Variants in ANKS1A observed in about 807,000 individuals in gnomAD.
ANKS1A encodes the protein ankyrin repeat and sterile alpha motif domain containing 1A, also known as ankyrin repeat and SAM domain-containing protein 1A.
Under a neutral mutation model 120.3 loss-of-function variants are expected in ANKS1A, and 55 were observed. That is an observed-to-expected ratio of 0.46 (90% CI 0.37 to 0.57). The LOEUF is 0.57. ANKS1A is among the 20% of genes least tolerant of loss of function. The pLI is 0.00. For missense variants in ANKS1A, 1,123 were observed against 1,480.3 expected, an observed-to-expected ratio of 0.76 and a Z score of 3.96; for synonymous variants, 590 against 604.7, an observed-to-expected ratio of 0.98 and a Z score of 0.36.
chr6:34,903,269 TTTGA>T (rs141366355), intron 1 of ANKS1A, among the ~76,000 whole-genome samples: 12,115 of 152,092 alleles, frequency 0.08, 652 homozygotes, highest in East Asian at 0.33. Context: ...CATTGTGGGG[TTTGA>T]TTGTCATTCT....
chr6:35,039,192 CTTTTTTT>C (rs35565672), intron 11 of ANKS1A, among the ~76,000 whole-genome samples: 3 of 83,802 alleles, frequency 3.6e-5, no homozygotes, highest in African/African-American at 1.4e-4. Flanking sequence ...CTCCCTCATA[CTTTTTTT>C]TTTTTTTTTT....
At chr6:35,022,816 T>G (rs1369965079) in intron 11 of ANKS1A, among the ~76,000 whole-genome samples, 1 of 152,194 alleles carries the variant, frequency 6.6e-6, no homozygotes. Context: ...ATTTACTGAT[T>G]ATAATTTGCT....
At chr6:34,948,836 G>GT (rs1227539667) in intron 1 of ANKS1A, among the ~76,000 whole-genome samples, 1 of 152,176 alleles carries the variant, frequency 6.6e-6, no homozygotes, top group Non-Finnish European at 1.5e-5. Context: ...ATAAAGAGAA[G>GT]TAAGGGAAGA....
rs138511489 is a variant in ANKS1A, at chr6:34,946,494, G to A, written c.198-20745G>A. ...TCCCAGCTACTCGGGAGGCTGAGGT[G>A]GGAGAATTGCTTGAACCCAGGAGGC... On this transcript the variant is annotated intron_variant, in intron 1 of 23. Transcript: ENST00000360359. Among the ~76,000 whole-genome samples the A allele has an allele frequency of 2.5e-3, 380 of 151,966 alleles. 5 individuals are homozygous for A. The highest frequency in any genetic ancestry group is 8.5e-3 in the African/African-American group (353 of 41,494).
intron 3 of ANKS1A, among the ~76,000 whole-genome samples, chr6:34,979,559 G>A (rs946275827): frequency 2.6e-5 from 4 of 152,080 alleles, no homozygotes; most frequent in Non-Finnish European, 4.4e-5. Flanking sequence ...TCATTCTGGC[G>A]AAGAAGAAAT....
At chr6:34,915,288 T>A (rs1768102170) in intron 1 of ANKS1A, among the ~76,000 whole-genome samples, 1 of 152,152 alleles carries the variant, frequency 6.6e-6, no homozygotes, top group African/African-American at 2.4e-5. Flanking sequence ...AGTGAAGGAG[T>A]CCCCGTAATT....
intron 11 of ANKS1A, chr6:35,039,640 G>T: frequency 2.2e-6 from 1 of 456,702 alleles, no homozygotes; most frequent in South Asian, 1.5e-5. Context: ...TGTTGAAGTG[G>T]GACAGCACAG....
intron 11 of ANKS1A, among the ~76,000 whole-genome samples, chr6:35,036,271 G>A (rs1446324556): frequency 6.6e-6 from 1 of 152,186 alleles, no homozygotes; most frequent in Non-Finnish European, 1.5e-5. Context: ...TTGGCCTGAT[G>A]GGGCATCTAG....
downstream of ANKS1A, among the ~76,000 whole-genome samples, chr6:35,091,828 G>A (rs534813139): frequency 6.6e-6 from 1 of 151,930 alleles, no homozygotes; most frequent in East Asian, 1.9e-4. Flanking sequence ...GATTGCAGAG[G>A]TTAAGTTTTA....
At chr6:34,913,474 G>A (rs1226902146) in intron 1 of ANKS1A, among the ~76,000 whole-genome samples, 3 of 152,158 alleles carry the variant, frequency 2.0e-5, no homozygotes, top group Non-Finnish European at 1.5e-5. Context: ...CCACAGGCAT[G>A]TGCCACTATG....
intron 1 of ANKS1A, among the ~76,000 whole-genome samples, chr6:34,939,759 A>G (rs549472080): frequency 6.6e-6 from 1 of 152,196 alleles, no homozygotes; most frequent in Non-Finnish European, 1.5e-5. Flanking sequence ...AAGGAGACTT[A>G]ATGCTTTTCA....
chr6:34,967,394 G>C, intron 2 of ANKS1A, 75 bp downstream of exon 2: 3 of 1,501,790 alleles, frequency 2.0e-6, no homozygotes, highest in Non-Finnish European at 2.7e-6. Context: ...TCATTTCCTA[G>C]AAAAGTTTGC....
At chr6:34,991,535 A>AT (rs1772510519) in intron 9 of ANKS1A, among the ~76,000 whole-genome samples, 1 of 112,794 alleles carries the variant, frequency 8.9e-6, no homozygotes, top group Admixed American at 9.2e-5. Flanking sequence ...GGAAAAAAAA[A>AT]ATATATACAC....
chr6:35,055,639 T>G (rs1242826772), intron 12 of ANKS1A, among the ~76,000 whole-genome samples: 1 of 152,204 alleles, frequency 6.6e-6, no homozygotes, highest in Non-Finnish European at 1.5e-5. Context: ...TGTGTTCCTT[T>G]TGTCCATGAA....
chr6:34,957,764 C>T (rs79521508), intron 1 of ANKS1A, among the ~76,000 whole-genome samples: 2,771 of 152,262 alleles, frequency 0.018, 57 homozygotes, highest in African/African-American at 0.048. Context: ...CAGAGATGCA[C>T]GCTGTTTTCT....
intron 11 of ANKS1A, among the ~76,000 whole-genome samples, chr6:35,027,615 C>T (rs1774696139): frequency 6.6e-6 from 1 of 152,172 alleles, no homozygotes. Flanking sequence ...ATCTGGACCT[C>T]ATTTGCACTT....
chr6:35,034,863 G>A (rs2127572802), intron 11 of ANKS1A, among the ~76,000 whole-genome samples: 1 of 152,294 alleles, frequency 6.6e-6, no homozygotes, highest in South Asian at 2.1e-4. Flanking sequence ...GGACAAATGG[G>A]CTAAGGACAG....
At chr6:35,020,224 T>C (rs145486853) in intron 11 of ANKS1A, among the ~76,000 whole-genome samples, 17 of 152,180 alleles carry the variant, frequency 1.1e-4, no homozygotes, top group African/African-American at 4.1e-4. Flanking sequence ...GATAGAAATA[T>C]TTGGGGGAAA....
At chr6:34,956,396 T>C (rs571594762) in intron 1 of ANKS1A, among the ~76,000 whole-genome samples, 1 of 152,238 alleles carries the variant, frequency 6.6e-6, no homozygotes, top group African/African-American at 2.4e-5. Context: ...TGTTAAAGTC[T>C]TTTCCTCAAA....
Sources: gnomAD v4.1 joint callset for allele counts (sites outside exome capture counted in the v4.1 genomes callset) on GRCh38, gnomAD v4.1.1 for gene constraint, MANE v1.5 for transcripts, NCBI Gene and HGNC (gene_info 2026-07-23, HGNC 2026-07-21) for gene names.